The following TCF12 variants were observed in gnomAD, a reference collection of about 807,000 sequenced individuals.
TCF12 encodes transcription factor 12, also known as DNA-binding protein HTF4.
TCF12 carries 45 observed loss-of-function variants against 86.0 expected under a neutral mutation model. The ratio of observed to expected loss-of-function variants is 0.52; its 90% CI spans 0.41 to 0.67. TCF12 has a LOEUF of 0.67. Among genes scored for constraint, TCF12 ranks in the 30% least tolerant of loss-of-function variants. The probability of loss-of-function intolerance (pLI) is 0.00; values close to 1 mark genes in which losing one functional copy is unlikely to be tolerated. For synonymous variants in TCF12, 330 were observed against 299.6 expected (o/e 1.10, Z -1.05); for missense variants, 881 against 859.9 (o/e 1.02, Z -0.31).
intron 3 of TCF12, among the ~76,000 whole-genome samples, chr15:56,939,967 G>GTT (rs67832685): frequency 0.012 from 1,265 of 104,572 alleles, 42 homozygotes; most frequent in African/African-American, 0.037. Context: ...TTAATAGCGT[G>GTT]TTTTTTTTTT....
rs1243286109 is a variant in TCF12, at chr15:57,229,278, C to CA, written c.580-1873dup. Among the ~76,000 whole-genome samples, 3 of 151,964 alleles carry CA rather than the reference C, an allele frequency of 2.0e-5. No homozygotes were observed. The East Asian group carries it at 5.8e-4, about 29-fold the overall frequency. Reference sequence around the variant, plus strand: ...CATTGCAGACACATTGGTATATAGTCAGTTATTTTATTTCAACACAATCAT... The same window carrying CA: ...CATTGCAGACACATTGGTATATAGTCAAGTTATTTTATTTCAACACAATCAT... On this transcript the variant is annotated intron_variant, in intron 8 of 20. Coordinates refer to ENST00000333725, the MANE Select transcript of TCF12 (RefSeq NM_207037.2).
chr15:57,098,527 T>C (rs1212918832), intron 5 of TCF12, among the ~76,000 whole-genome samples: 1 of 152,228 alleles, frequency 6.6e-6, no homozygotes, highest in Non-Finnish European at 1.5e-5. Context: ...TTAAAGTGAA[T>C]AATATTCAGT....
intron 6 of TCF12, among the ~76,000 whole-genome samples, chr15:57,179,438 G>A (rs2151632641): frequency 6.6e-6 from 1 of 152,296 alleles, no homozygotes; most frequent in South Asian, 2.1e-4. Flanking sequence ...CAGTGAGCAG[G>A]AGAATTGCTT....
intron 11 of TCF12, among the ~76,000 whole-genome samples, chr15:57,233,429 C>T (rs1170243559): frequency 2.0e-5 from 3 of 152,084 alleles, no homozygotes; most frequent in Admixed American, 6.6e-5. Flanking sequence ...CCTTCCACCT[C>T]GGCCTCCCAA....
rs144300034 is a variant in TCF12, at chr15:57,280,068, T to C, written c.1979-2377T>C. 1.0e-3 allele frequency among the ~76,000 whole-genome samples: 153 copies of C among 152,208 alleles called. 2 individuals carry two copies. In the East Asian group the frequency reaches 0.029, roughly 29 times the overall value. The stretch of plus-strand genomic sequence containing the variant: ...GCCACCACGCCTGGCTCACTTTTTG[T>C]ATTTTTAGTAGAGATCGGGTTTCAC... On this transcript the variant is annotated intron_variant, in intron 19 of 20. Coordinates refer to ENST00000333725, the MANE Select transcript of TCF12 (RefSeq NM_207037.2).
chr15:56,995,231 C>CTTTTTTTTTTTTTTTTTTTTTTTTTT lies in TCF12; in HGVS notation c.149-68516_149-68491dup, dbSNP rs557610511. On this transcript the variant is annotated intron_variant, in intron 3 of 20. Coordinates refer to ENST00000333725, the MANE Select transcript of TCF12 (RefSeq NM_207037.2). ...AAGTCAGGTAATGTGATACCTGCAG[C>CTTTTTTTTTTTTTTTTTTTTTTTTTT]TTTTTTTTTTTTTTTTTTTTTTTTT... 6.6e-4 allele frequency among the ~76,000 whole-genome samples: 20 copies of CTTTTTTTTTTTTTTTTTTTTTTTTTT among 30,304 alleles called. 3 individuals are homozygous for CTTTTTTTTTTTTTTTTTTTTTTTTTT. Among genetic ancestry groups the CTTTTTTTTTTTTTTTTTTTTTTTTTT allele is most frequent in the Admixed American group, 9.7e-4 (3 of 3,094 alleles). The allele number at this position is 30,304 out of a possible 152,430, so 19.9% of individuals were successfully genotyped here.
rs574523727 is a variant in TCF12, at chr15:57,234,212, A to G, written c.1035+105A>G. ...ATCTAAAGAGTATAGATGTAACAAG[A>G]TCAATTTCATTACACATTTAGAGTT... On this transcript the variant is annotated intron_variant, in intron 12 of 20. Transcript: ENST00000333725. The G allele has an allele frequency of 2.8e-5, 24 of 857,398 alleles. No individual in the cohort carries two copies. In the South Asian group the frequency reaches 2.9e-4, roughly 10 times the overall value. The allele number at this position is 857,398 out of a possible 1,614,324, so 53.1% of individuals were successfully genotyped here. A position where few individuals can be genotyped will look rare whatever the true frequency, so the allele number is the denominator to read the frequency against.
At chr15:57,193,564 T>C (rs11856210) in intron 7 of TCF12, among the ~76,000 whole-genome samples, 43,889 of 152,166 alleles carry the variant, frequency 0.29, 7,746 homozygotes, top group African/African-American at 0.49. Context: ...CTACCAAATA[T>C]CTTTTAAACA....
At chr15:57,251,491 A>G in intron 14 of TCF12, 68 bp downstream of exon 14, 2 of 1,471,720 alleles carry the variant, frequency 1.4e-6, no homozygotes, top group East Asian at 2.3e-5. Context: ...TCAATCTGGC[A>G]TAACAATAAA....
At chr15:57,062,255 C>T (rs974254799) in intron 3 of TCF12, among the ~76,000 whole-genome samples, 9 of 151,946 alleles carry the variant, frequency 5.9e-5, no homozygotes, top group Non-Finnish European at 1.2e-4. Context: ...GGTGCCCGGC[C>T]GGTAACAGTG....
chr15:57,077,377 A>AT (rs2070194037), intron 4 of TCF12, among the ~76,000 whole-genome samples: 1 of 36,432 alleles, frequency 2.7e-5, no homozygotes, highest in African/African-American at 8.8e-5. Flanking sequence ...GTGTGTGTAT[A>AT]TATATTTTTT....
intron 5 of TCF12, among the ~76,000 whole-genome samples, chr15:57,131,999 C>T (rs140561610): frequency 2.0e-5 from 3 of 152,116 alleles, no homozygotes; most frequent in African/African-American, 7.2e-5. Flanking sequence ...ATCATGATAT[C>T]GTCCAGCCTG....
chr15:57,244,523 A>C (rs1040138285), intron 13 of TCF12, among the ~76,000 whole-genome samples: 3 of 152,064 alleles, frequency 2.0e-5, no homozygotes, highest in Non-Finnish European at 4.4e-5. Flanking sequence ...GCAGTGGCAT[A>C]ATCTCGGCTT....
chr15:57,124,232 T>C (rs1237154342), intron 5 of TCF12, among the ~76,000 whole-genome samples: 1 of 152,180 alleles, frequency 6.6e-6, no homozygotes. Flanking sequence ...TCATATACTT[T>C]GGTTTCCATG....
Position 57,153,283 on chromosome 15 carries a change from T to C in TCF12, c.326-13119T>C, listed in dbSNP as rs182480132. ...ATAGAGAGCCAGATATTACATATTTTAGGCTTTGTGGGTCAGACAGTTTCT... is the reference window on the plus strand; with the variant it reads ...ATAGAGAGCCAGATATTACATATTTCAGGCTTTGTGGGTCAGACAGTTTCT... On this transcript the variant is annotated intron_variant, in intron 5 of 20. Transcript: ENST00000333725. Among the ~76,000 whole-genome samples, 12 of 152,352 alleles carry C rather than the reference T, an allele frequency of 7.9e-5. No individual in the cohort carries two copies. In the East Asian group the frequency reaches 2.1e-3, roughly 27 times the overall value.
chr15:57,165,115 A>G (rs1383597796), intron 5 of TCF12, among the ~76,000 whole-genome samples: 4 of 144,698 alleles, frequency 2.8e-5, no homozygotes, highest in African/African-American at 5.0e-5. Flanking sequence ...CTTTGTGTCT[A>G]TCCTGAAGGA....
chr15:56,952,063 A>G (rs1167868430), intron 3 of TCF12, among the ~76,000 whole-genome samples: 2 of 152,132 alleles, frequency 1.3e-5, no homozygotes, highest in East Asian at 3.8e-4. Context: ...TGTGTGTATG[A>G]TGAGCCACTG....
At chr15:56,928,727 C>T (rs1943412466) in intron 3 of TCF12, among the ~76,000 whole-genome samples, 1 of 152,156 alleles carries the variant, frequency 6.6e-6, no homozygotes, top group Non-Finnish European at 1.5e-5. Context: ...AAATCCTTTT[C>T]CATGCTTAGG....
Position 56,925,368 on chromosome 15 carries a change from T to C in TCF12, c.148+4270T>C, listed in dbSNP as rs543507178. ...AGTGAGGCATACCTACAATTACTGT[T>C]TTTGTTTTCATTAGCCATTTAAACA... On this transcript the variant is annotated intron_variant, in intron 3 of 20. Coordinates refer to ENST00000333725, the MANE Select transcript of TCF12 (RefSeq NM_207037.2). 9.0e-4 allele frequency among the ~76,000 whole-genome samples: 137 copies of C among 152,096 alleles called. 1 individual carries two copies. The highest frequency in any genetic ancestry group is 3.0e-3 in the African/African-American group (126 of 41,502).
Sources: allele counts gnomAD v4.1 joint callset (sites outside exome capture counted in the v4.1 genomes callset), GRCh38; gene constraint gnomAD v4.1.1; transcripts MANE v1.5; gene names NCBI Gene and HGNC (gene_info 2026-07-23, HGNC 2026-07-21).